The following ZFHX3 variants were observed in gnomAD, a reference collection of about 807,000 sequenced individuals.
ZFHX3 encodes the protein zinc finger homeobox 3.
A neutral mutation model predicts 279.1 loss-of-function variants in ZFHX3; 42 were observed. That is an observed-to-expected ratio of 0.15 (90% CI 0.12 to 0.19). The LOEUF is 0.19. Among genes scored for constraint, ZFHX3 ranks in the 10% least tolerant of loss-of-function variants. The pLI, the probability that ZFHX3 is intolerant of heterozygous loss-of-function variation, is 1.00. For synonymous variants in ZFHX3, 2,293 were observed against 1,957.8 expected (o/e 1.17, Z -4.52); for missense variants, 4,981 against 4,754.0 (o/e 1.05, Z -1.40).
exon 6 of ZFHX3, chr16:73,143,791 C>T: frequency 7.7e-7 from 1 of 1,305,334 alleles, no homozygotes; most frequent in Non-Finnish European, 1.0e-6. Flanking sequence ...TCCAATAGCG[C>T]TAGGCTAGAC....
At chr16:73,394,725 A>G (rs1045871413) in intron 3 of ZFHX3, among the ~76,000 whole-genome samples, 8 of 152,242 alleles carry the variant, frequency 5.3e-5, no homozygotes, top group African/African-American at 1.9e-4. Context: ...TAGATTTTAT[A>G]TTAATTGAGG....
At chr16:73,537,983 T>C (rs1293725958) in intron 2 of ZFHX3, among the ~76,000 whole-genome samples, 2 of 152,252 alleles carry the variant, frequency 1.3e-5, no homozygotes, top group African/African-American at 4.8e-5. Context: ...TGGGGCTCAC[T>C]GCTTTAAATG....
chr16:73,147,764 G>A (rs926463972), intron 5 of ZFHX3, among the ~76,000 whole-genome samples: 14 of 148,836 alleles, frequency 9.4e-5, no homozygotes, highest in Admixed American at 7.3e-4. Context: ...CAGCTATTCC[G>A]GAGGCCGAGG....
At chr16:73,286,811 G>A (rs2143081418) in intron 4 of ZFHX3, among the ~76,000 whole-genome samples, 1 of 143,744 alleles carries the variant, frequency 7.0e-6, no homozygotes, top group East Asian at 2.2e-4. Flanking sequence ...GGGTTGGTGT[G>A]TGGCTGTGTG....
chr16:73,125,080 G>A (rs949530056), intron 7 of ZFHX3: 3 of 151,922 alleles, frequency 2.0e-5, no homozygotes, highest in Non-Finnish European at 2.9e-5. Context: ...GGATTTAAAA[G>A]CAATAATGCA....
At chr16:73,396,151 A>G (rs1391530687) in intron 3 of ZFHX3, among the ~76,000 whole-genome samples, 2 of 152,200 alleles carry the variant, frequency 1.3e-5, no homozygotes, top group Non-Finnish European at 2.9e-5. Flanking sequence ...AAGACACAAT[A>G]TTCCCTGTTA....
At chr16:73,147,231 G>A (rs1966867701) in intron 5 of ZFHX3, among the ~76,000 whole-genome samples, 1 of 152,110 alleles carries the variant, frequency 6.6e-6, no homozygotes, top group African/African-American at 2.4e-5. Context: ...AGGGGATCAT[G>A]CCATCCACCC....
intron 3 of ZFHX3, among the ~76,000 whole-genome samples, chr16:73,422,643 C>A (rs1465576871): frequency 1.3e-5 from 2 of 152,326 alleles, no homozygotes; most frequent in African/African-American, 4.8e-5. Flanking sequence ...CCCAAAGGGT[C>A]AAATTTCCAA....
intron 6 of ZFHX3, among the ~76,000 whole-genome samples, chr16:73,132,949 G>C (rs898768684): frequency 6.6e-6 from 1 of 152,236 alleles, no homozygotes. Flanking sequence ...TCATGAAGAT[G>C]CATGGCACAG....
chr16:73,244,110 T>C (rs1247141856), intron 5 of ZFHX3, among the ~76,000 whole-genome samples: 2 of 152,184 alleles, frequency 1.3e-5, no homozygotes, highest in East Asian at 1.9e-4. Flanking sequence ...TCTTTTTTAG[T>C]GTGGGATTTG....
Position 72,959,266 on chromosome 16 carries a change from C to A in ZFHX3, c.880G>T (p.Val294Phe), listed in dbSNP as rs202133340. Residue 294 changes from valine (V) to phenylalanine (F), a missense_variant, in exon 2 of 10, where the codon GTC becomes TTC. Transcript: ENST00000268489. ...ACCGCGTGGGTCACAAACGAACGGA[C>A]GTACCCAAAGGAGAGTTTGCACAAG... The part of the protein sequence containing the change: ...CFLCKLSFGY[V>F]RSFVTHAVHD... 6.8e-6 allele frequency: 11 copies of A among 1,614,064 alleles called. No homozygotes were observed. Among genetic ancestry groups the A allele is most frequent in the Admixed American group, 6.7e-5 (4 of 60,008 alleles).
intron 2 of ZFHX3, among the ~76,000 whole-genome samples, chr16:73,654,541 A>G (rs1323577298): frequency 6.6e-6 from 1 of 152,176 alleles, no homozygotes; most frequent in Non-Finnish European, 1.5e-5. Flanking sequence ...AATGTCATTC[A>G]TGAACATAGA....
chr16:73,212,945 G>C (rs564292219), intron 5 of ZFHX3, among the ~76,000 whole-genome samples: 1 of 152,162 alleles, frequency 6.6e-6, no homozygotes, highest in Admixed American at 6.6e-5. Flanking sequence ...AAGTGCATGC[G>C]TGTAAACCCT....
intron 3 of ZFHX3, among the ~76,000 whole-genome samples, chr16:73,352,248 A>C (rs906765519): frequency 6.6e-6 from 1 of 152,192 alleles, no homozygotes; most frequent in Non-Finnish European, 1.5e-5. Flanking sequence ...TGCATGGCCT[A>C]AAGCAGTACT....
chr16:73,044,703 C>G (rs1048366608), intron 1 of ZFHX3, among the ~76,000 whole-genome samples: 2 of 152,176 alleles, frequency 1.3e-5, no homozygotes, highest in African/African-American at 4.8e-5. Context: ...CTCACTGCAA[C>G]CTCCCCCTCC....
intron 4 of ZFHX3, among the ~76,000 whole-genome samples, chr16:72,888,203 A>C (rs1271662973): frequency 6.6e-6 from 1 of 152,224 alleles, no homozygotes; most frequent in African/African-American, 2.4e-5. Flanking sequence ...CCTTTAAAAA[A>C]TATAAAAATG....
intron 1 of ZFHX3, among the ~76,000 whole-genome samples, chr16:73,795,395 G>A (rs1168606864): frequency 1.3e-5 from 2 of 152,162 alleles, no homozygotes; most frequent in African/African-American, 4.8e-5. Context: ...CAAGACCTGA[G>A]AGGCACAAGC....
intron 5 of ZFHX3, among the ~76,000 whole-genome samples, chr16:73,223,031 T>C (rs558549616): frequency 6.6e-6 from 1 of 152,178 alleles, no homozygotes; most frequent in Admixed American, 6.5e-5. Flanking sequence ...AAAATGAATC[T>C]AGGCATAAAC....
At chr16:73,174,906 T>C (rs1967624946) in intron 5 of ZFHX3, among the ~76,000 whole-genome samples, 1 of 146,304 alleles carries the variant, frequency 6.8e-6, no homozygotes. Context: ...TGGCGGCACA[T>C]GCTTGCAATC....
Sources: gnomAD v4.1 joint callset for allele counts (sites outside exome capture counted in the v4.1 genomes callset) on GRCh38, gnomAD v4.1.1 for gene constraint, MANE v1.5 for transcripts, NCBI Gene and HGNC (gene_info 2026-07-23, HGNC 2026-07-21) for gene names.